FBXW7: variants seen among roughly 807,000 people sequenced by gnomAD.
FBXW7 encodes the protein F-box and WD repeat domain containing 7.
Under a neutral mutation model 86.3 loss-of-function variants are expected in FBXW7, and 11 were observed. The observed-to-expected ratio is 0.13, with a 90% CI of 0.08 to 0.21. The LOEUF (loss-of-function observed/expected upper bound fraction) is 0.21, where lower values mean the gene tolerates loss of function less well. Ranked by LOEUF, FBXW7 falls within the 10% of genes least tolerant of loss-of-function variation. The pLI is 1.00. For synonymous variants in FBXW7, 313 were observed against 297.9 expected (o/e 1.05, Z -0.52); for missense variants, 488 against 847.4 (o/e 0.58, Z 5.27).
At chr4:152,417,527 C>A (rs999840910) in intron 2 of FBXW7, among the ~76,000 whole-genome samples, 1 of 152,048 alleles carries the variant, frequency 6.6e-6, no homozygotes, top group Admixed American at 6.6e-5. Flanking sequence ...CGGGGAGGAA[C>A]AGAGGCAGAC....
intron 4 of FBXW7, among the ~76,000 whole-genome samples, chr4:152,353,358 T>A (rs1007787600): frequency 6.6e-6 from 1 of 152,204 alleles, no homozygotes; most frequent in African/African-American, 2.4e-5. Flanking sequence ...AATTATGTAA[T>A]CTAAGTTATA....
chr4:152,376,606 G>A (rs1468357987), intron 4 of FBXW7, among the ~76,000 whole-genome samples: 1 of 151,970 alleles, frequency 6.6e-6, no homozygotes, highest in Non-Finnish European at 1.5e-5. Flanking sequence ...TTTGAATATA[G>A]GCTTGTCTAT....
intron 2 of FBXW7, among the ~76,000 whole-genome samples, chr4:152,496,551 G>A (rs1374576739): frequency 3.3e-5 from 5 of 151,960 alleles, no homozygotes; most frequent in African/African-American, 4.8e-5. Flanking sequence ...GGTGGCAGGC[G>A]CCTGTAATCC....
chr4:152,463,693 G>A (rs1344827544), intron 2 of FBXW7, among the ~76,000 whole-genome samples: 1 of 152,176 alleles, frequency 6.6e-6, no homozygotes, highest in East Asian at 1.9e-4. Flanking sequence ...GGGGTGCTAA[G>A]GACCTGGCGA....
At chr4:152,527,865 TACACACACAC>T (rs149379203) in intron 2 of FBXW7, among the ~76,000 whole-genome samples, 29 of 137,480 alleles carry the variant, frequency 2.1e-4, no homozygotes, top group South Asian at 8.8e-4. Context: ...AAAAATTATA[TACACACACAC>T]ACACACACAC....
At chr4:152,532,238 T>C (rs1750085645) in intron 2 of FBXW7, among the ~76,000 whole-genome samples, 1 of 152,236 alleles carries the variant, frequency 6.6e-6, no homozygotes, top group African/African-American at 2.4e-5. Flanking sequence ...TTCTAAACTC[T>C]TTTTTGTAAG....
intron 6 of FBXW7, among the ~76,000 whole-genome samples, chr4:152,345,672 T>G (rs561054765): frequency 6.6e-6 from 1 of 152,206 alleles, no homozygotes; most frequent in Non-Finnish European, 1.5e-5. Flanking sequence ...CAAAAAAAGG[T>G]TATCCTAGTT....
chr4:152,513,386 G>T (rs1235878442), intron 2 of FBXW7, among the ~76,000 whole-genome samples: 8 of 152,088 alleles, frequency 5.3e-5, no homozygotes, highest in African/African-American at 1.9e-4. Context: ...CTAATCCAGG[G>T]AAGCACCATT....
At chr4:152,408,342 C>CT (rs1737614771) in intron 4 of FBXW7, among the ~76,000 whole-genome samples, 1 of 152,066 alleles carries the variant, frequency 6.6e-6, no homozygotes, top group South Asian at 2.1e-4. Flanking sequence ...CAGAAAACAA[C>CT]TTTTTTTAAA....
chr4:152,402,559 C>A lies in FBXW7; in HGVS notation c.501+8744G>T, dbSNP rs140849076. On this transcript the variant is annotated intron_variant, in intron 4 of 13. Coordinates refer to ENST00000281708, the MANE Select transcript of FBXW7 (RefSeq NM_001349798.2). ...TTCCAAACGTTAACAAAAGTACAAC[C>A]GGGACCCAGCATAAGATCTGAGTTC... 3.9e-5 allele frequency among the ~76,000 whole-genome samples: 6 copies of A among 152,094 alleles called. 1 individual carries two copies. Among genetic ancestry groups the A allele is most frequent in the Admixed American group, 3.9e-4 (6 of 15,282 alleles).
At chr4:152,465,141 G>A (rs774169785) in intron 2 of FBXW7, among the ~76,000 whole-genome samples, 12 of 151,878 alleles carry the variant, frequency 7.9e-5, no homozygotes, top group African/African-American at 1.7e-4. Context: ...ATATGGAAGC[G>A]ACTATAGACT....
rs1731895751 is a variant in FBXW7, at chr4:152,352,362, C to T, written c.502-2238G>A. On this transcript the variant is annotated intron_variant, in intron 4 of 13. Transcript: ENST00000281708. ...AACAGAATACCAGACATCCAGCCAC[C>T]CACCAAAATTAGAGGATACTGCAGC... 6 of 1,373,468 alleles carry T rather than the reference C, an allele frequency of 4.4e-6. No homozygotes were observed. In the South Asian group the frequency reaches 8.2e-5, roughly 19 times the overall value. The allele number at this position is 1,373,468 out of a possible 1,614,324, so 85.1% of individuals were successfully genotyped here.
intron 2 of FBXW7, among the ~76,000 whole-genome samples, chr4:152,517,060 C>T (rs1402954200): frequency 6.6e-6 from 1 of 152,146 alleles, no homozygotes; most frequent in South Asian, 2.1e-4. Flanking sequence ...TGAGCTCAAG[C>T]GATCCACTCG....
intron 4 of FBXW7, among the ~76,000 whole-genome samples, chr4:152,362,969 CCTGA>C (rs1187476048): frequency 1.1e-4 from 16 of 151,970 alleles, no homozygotes; most frequent in African/African-American, 3.9e-4. Context: ...TTTTTAGTCA[CCTGA>C]CTTTTATTAA....
intron 11 of FBXW7, among the ~76,000 whole-genome samples, chr4:152,326,991 C>T (rs4315757): frequency 0.96 from 146,212 of 152,222 alleles, 70,495 homozygotes; most frequent in East Asian, 1. Context: ...GGTTCAACAT[C>T]AGCGCTATAC....
intron 2 of FBXW7, among the ~76,000 whole-genome samples, chr4:152,444,053 C>T (rs1282490610): frequency 3.3e-5 from 5 of 152,134 alleles, no homozygotes; most frequent in Admixed American, 6.6e-5. Flanking sequence ...TCTCTACAAA[C>T]ATGTGCTTCT....
chr4:152,411,956 T>C (rs1246736245), intron 3 of FBXW7, 84 bp from the exon 4 acceptor site: 1 of 1,261,698 alleles, frequency 7.9e-7, no homozygotes, highest in Non-Finnish European at 1.0e-6. Flanking sequence ...ACTTTCTAAA[T>C]ATCATTAATG....
intron 2 of FBXW7, among the ~76,000 whole-genome samples, chr4:152,522,970 C>T (rs938300641): frequency 1.3e-5 from 2 of 152,212 alleles, no homozygotes. Context: ...TATCATCTGA[C>T]ACTTGAAAAG....
chr4:152,411,449 C>G lies in FBXW7; in HGVS notation c.355G>C (p.Asp119His), dbSNP rs200988301. 2 of 1,613,328 alleles carry G rather than the reference C, an allele frequency of 1.2e-6. No individual in the cohort carries two copies. Among genetic ancestry groups the G allele is most frequent in the Non-Finnish European group, 1.7e-6 (2 of 1,179,768 alleles). ...TGATCAAAATCGTCACTCTCCTGGT[C>G]CATCTCCTCCTCCTCCTCATCCTCC... ...DEEDEEEEEM[D>H]QESDDFDQSD... The change falls in exon 4 of 14, where the codon GAC becomes CAC. Residue 119 changes from aspartate to histidine, a missense_variant. Around this residue, in one of 4 missense-constraint regions of FBXW7, gnomAD observed 230 missense variants for 240.0 expected, o/e 0.96. Coordinates refer to ENST00000281708, the MANE Select transcript of FBXW7 (RefSeq NM_001349798.2).
Sources: gnomAD v4.1 joint callset for allele counts (sites outside exome capture counted in the v4.1 genomes callset) on GRCh38, gnomAD v4.1.1 for gene constraint, gnomAD v4.1.1 regional missense constraint, MANE v1.5 for transcripts, NCBI Gene and HGNC (gene_info 2026-07-23, HGNC 2026-07-21) for gene names.